CHD2: variants seen among roughly 807,000 people sequenced by gnomAD.
CHD2 encodes the protein chromodomain helicase DNA binding protein 2.
CHD2 carries 28 observed loss-of-function variants against 243.9 expected under a neutral mutation model. The observed-to-expected ratio is 0.11, with a 90% CI of 0.09 to 0.16. CHD2 has a LOEUF of 0.16. Among genes scored for constraint, CHD2 ranks in the 10% least tolerant of loss-of-function variants. The pLI is 1.00. For synonymous variants in CHD2, 775 were observed against 779.0 expected (o/e 0.99, Z 0.09); for missense variants, 1,386 against 2,209.8 (o/e 0.63, Z 7.47).
chr15:92,981,881 G>A (rs1299033040), intron 24 of CHD2, among the ~76,000 whole-genome samples: 2 of 152,222 alleles, frequency 1.3e-5, no homozygotes, highest in African/African-American at 2.4e-5. Flanking sequence ...GTAAGTGAGA[G>A]AAAGAGGTGT....
chr15:92,921,539 G>A (rs2052955726), intron 2 of CHD2: 1 of 152,124 alleles, frequency 6.6e-6, no homozygotes, highest in Admixed American at 6.5e-5. Flanking sequence ...AGGAAATTCT[G>A]GAGCTGTCTC....
intron 16 of CHD2, 43 bp downstream of exon 16, chr15:92,956,692 G>C (rs1281826156): frequency 3.2e-6 from 5 of 1,544,148 alleles, no homozygotes; most frequent in Non-Finnish European, 4.4e-6. Context: ...TAGAATGTCT[G>C]AAATGCCAAT....
intron 18 of CHD2, 146 bp from the exon 19 acceptor site, chr15:92,972,119 G>GA: frequency 9.7e-7 from 1 of 1,030,206 alleles, no homozygotes; most frequent in Non-Finnish European, 1.4e-6. Context: ...CTGGGAAAAA[G>GA]AACATTTCGG....
chr15:92,947,691 A>G (rs1293483392), intron 12 of CHD2: 1 of 152,354 alleles, frequency 6.6e-6, no homozygotes, highest in Admixed American at 6.5e-5. Context: ...GGACAAGGGA[A>G]GTAACAGTGG....
chr15:92,900,462 A>AG lies in CHD2; in HGVS notation c.-431dup. 1 of 396,920 alleles carries AG rather than the reference A, an allele frequency of 2.5e-6. No homozygotes were observed. The highest frequency in any genetic ancestry group is 2.1e-5 in the African/African-American group (1 of 48,600). The allele number at this position is 396,920 out of a possible 1,614,324, so 24.6% of individuals were successfully genotyped here. ...GCCCCCGTAGCCCCCTGCCTTTCCT[A>AG]GGGACTTACTGGGGTCGATTCGAAC... On this transcript the variant is annotated 5_prime_UTR_variant, in exon 1 of 39. Transcript: ENST00000394196.
chr15:92,948,511 G>A (rs2053506126), intron 12 of CHD2, among the ~76,000 whole-genome samples: 1 of 152,176 alleles, frequency 6.6e-6, no homozygotes. Context: ...AAGGGGTGAT[G>A]GAGTGAGGTG....
intron 3 of CHD2, among the ~76,000 whole-genome samples, chr15:92,925,001 A>G (rs907301413): frequency 6.6e-6 from 1 of 152,046 alleles, no homozygotes; most frequent in Non-Finnish European, 1.5e-5. Flanking sequence ...GGGTTTCATC[A>G]TGTTGGCCAT....
intron 26 of CHD2, 115 bp downstream of exon 26, chr15:92,985,788 A>T (rs1053049881): frequency 7.2e-5 from 74 of 1,028,092 alleles, no homozygotes; most frequent in Non-Finnish European, 9.0e-5. Flanking sequence ...CCTACAAAAA[A>T]GGAAAGAGAA....
intron 24 of CHD2, 142 bp from the exon 25 acceptor site, chr15:92,984,188 G>A: frequency 3.4e-6 from 2 of 594,068 alleles, no homozygotes; most frequent in Non-Finnish European, 5.0e-6. Flanking sequence ...AAAATTAATA[G>A]AAAATTGATT....
intron 22 of CHD2, among the ~76,000 whole-genome samples, chr15:92,979,901 GATAATA>G (rs141537056): frequency 1.3e-5 from 2 of 150,678 alleles, no homozygotes; most frequent in Admixed American, 6.6e-5. Flanking sequence ...CTGGGCGACC[GATAATA>G]ATAATAATAA....
In CHD2 at chr15:92,943,024, A is replaced by G. The variant is rs747373922; in HGVS notation, c.1008A>G (p.Lys336=). 24 of 1,613,976 alleles carry G rather than the reference A, an allele frequency of 1.5e-5. No homozygotes were observed. The highest frequency in any genetic ancestry group is 1.8e-5 in the Non-Finnish European group (21 of 1,179,962). The change falls in exon 9 of 39, where the codon AAA becomes AAG. Residue 336 remains lysine (K), a synonymous_variant. Coordinates refer to ENST00000394196, the MANE Select transcript of CHD2 (RefSeq NM_001271.4). Reference sequence around the variant, plus strand: ...AGCAACAGAAAGTGAAGGGCCTAAAAAAACTAGAGAACTTCAAGAAAAAAG... The same window carrying G: ...AGCAACAGAAAGTGAAGGGCCTAAAGAAACTAGAGAACTTCAAGAAAAAAG... ...SLQQQKVKGL[K]KLENFKKKED...
intron 2 of CHD2, chr15:92,902,476 C>A (rs1346104859): frequency 3.6e-6 from 1 of 275,626 alleles, no homozygotes; most frequent in African/African-American, 2.2e-5. Context: ...ATACACTTTT[C>A]TATTAGGCTA....
At chr15:92,999,178 C>G (rs945666196) in intron 31 of CHD2, among the ~76,000 whole-genome samples, 2 of 150,282 alleles carry the variant, frequency 1.3e-5, no homozygotes, top group African/African-American at 4.9e-5. Context: ...TGAAATGTTG[C>G]TTCAAATTCA....
At chr15:92,902,313 T>C in intron 2 of CHD2, 1 of 396,266 alleles carries the variant, frequency 2.5e-6, no homozygotes, top group Non-Finnish European at 4.4e-6. Context: ...ATGACCTCTG[T>C]ATATTAATTT....
chr15:92,994,984 C>T (rs1161945025), intron 28 of CHD2, among the ~76,000 whole-genome samples: 1 of 152,046 alleles, frequency 6.6e-6, no homozygotes, highest in Non-Finnish European at 1.5e-5. Context: ...TACCTTTTTT[C>T]CCTTAGGTTG....
rs1060503518 is a variant in CHD2 at position 92,953,547 on chromosome 15, A to G, written c.1693A>G (p.Ile565Val). The G allele has an allele frequency of 2.5e-6, 4 of 1,614,062 alleles. No homozygotes were observed. The highest frequency in any genetic ancestry group is 3.4e-6 in the Non-Finnish European group (4 of 1,180,026). ...WAPEINVVVY[I>V]GDLMSRNTIR... is the part of the protein sequence containing the mutation. Reference sequence around the variant, plus strand: ...ACCAGAGATTAACGTAGTGGTTTACATAGGTGACCTGATGAGCAGAAATAC... The same window carrying G: ...ACCAGAGATTAACGTAGTGGTTTACGTAGGTGACCTGATGAGCAGAAATAC... The change falls in exon 14 of 39, where the codon ATA becomes GTA. Residue 565 changes from isoleucine to valine, a missense_variant. Around this residue, in one of 19 missense-constraint regions of CHD2, gnomAD observed 63 missense variants for 108.8 expected, o/e 0.58. Coordinates refer to ENST00000394196, the MANE Select transcript of CHD2 (RefSeq NM_001271.4).
Position 92,937,588 on chromosome 15 carries a change from C to CA in CHD2, c.522dup (p.Val175SerfsTer18). On this transcript the variant is annotated frameshift_variant, in exon 6 of 39. Transcript: ENST00000394196. LOFTEE classifies it high-confidence loss of function. ...CACCAGTGCAGAGAGTGAGCCAGAA[C>CA]AAAAAAAAGTAAAAGCCAGAAGACC... is the stretch of plus-strand genomic sequence containing the variant. 2 of 1,611,024 alleles carry CA rather than the reference C, an allele frequency of 1.2e-6. No individual in the cohort carries two copies. The highest frequency in any genetic ancestry group is 1.1e-5 in the South Asian group (1 of 90,730).
At position 93,026,658 on chromosome 15, in the gene CHD2, C is replaced by G. The variant is rs2141764108; in HGVS notation, c.*1953C>G. On this transcript the variant is annotated 3_prime_UTR_variant, in exon 39 of 39. Transcript: ENST00000394196. ...TGACGCTCAGTGGAGAGGGCAGGGC[C>G]TGTGTCTCCACTTAGGCCACACAGT... 1 of 152,390 alleles carries G rather than the reference C, an allele frequency of 6.6e-6. No individual in the cohort carries two copies. Among genetic ancestry groups the G allele is most frequent in the Non-Finnish European group, 1.5e-5 (1 of 68,054 alleles). 9.4% of individuals were successfully genotyped at this position (152,390 alleles called of 1,614,324 possible).
chr15:92,997,508 A>G lies in CHD2; in HGVS notation c.3885+105A>G. 1 of 1,002,058 alleles carries G rather than the reference A, an allele frequency of 1.0e-6. No homozygotes were observed. The highest frequency in any genetic ancestry group is 1.7e-5 in the African/African-American group (1 of 59,722). The allele number at this position is 1,002,058 out of a possible 1,614,324, so 62.1% of individuals were successfully genotyped here. On this transcript the variant is annotated intron_variant, in intron 30 of 38. Transcript: ENST00000394196. The surrounding 1 kb of genome is among the most constrained non-coding windows in gnomAD (Gnocchi z 4.1). ...TTTTCGAGGGGGCATCAAATTAGAAATTAGTATAGTCATTCTTGGAAATAC... is the reference window on the plus strand; with the variant it reads ...TTTTCGAGGGGGCATCAAATTAGAAGTTAGTATAGTCATTCTTGGAAATAC...
Sources: allele counts gnomAD v4.1 joint callset (sites outside exome capture counted in the v4.1 genomes callset), GRCh38; gene constraint gnomAD v4.1.1; regional missense constraint gnomAD v4.1.1; non-coding constraint Gnocchi (gnomAD v3.1); transcripts MANE v1.5; gene names NCBI Gene and HGNC (gene_info 2026-07-23, HGNC 2026-07-21).